Variants in SLC2A6 observed in about 807,000 individuals in gnomAD.
The protein encoded by SLC2A6 is solute carrier family 2 member 6.
SLC2A6 carries 39 observed loss-of-function variants against 47.8 expected under a neutral mutation model. The observed-to-expected ratio is 0.82, with a 90% CI of 0.63 to 1.07. The LOEUF is 1.07. SLC2A6 is among the 50% of genes least tolerant of loss of function. The pLI is 0.00. For missense variants in SLC2A6, 650 were observed against 707.6 expected (o/e 0.92, Z 0.92); for synonymous variants, 346 against 324.1 (o/e 1.07, Z -0.73).
chr9:133,474,343 C>T (rs1843861369), intron 6 of SLC2A6, among the ~76,000 whole-genome samples: 1 of 152,244 alleles, frequency 6.6e-6, no homozygotes, highest in Non-Finnish European at 1.5e-5. Flanking sequence ...ACTTGCTGAA[C>T]CGTGCTGTTA....
rs782146669 is a variant in SLC2A6 at position 133,478,991 on chromosome 9, C to A, written c.69G>T (p.Ser23=). The change falls in exon 1 of 10, where the codon TCG becomes TCT. Residue 23 remains serine (S), a synonymous_variant. Transcript: ENST00000371899. ...ACCCGACCCGCGCCCTGTCCCCTGG[C>A]GACGGGGGCGGCTTCTCGGGGAAGG... ...YDTFPEKPPP[S]PGDRARVGTL... 3.1e-6 allele frequency: 5 copies of A among 1,593,878 alleles called. No individual in the cohort carries two copies. Among genetic ancestry groups the A allele is most frequent in the East Asian group, 4.6e-5 (2 of 43,268 alleles).
rs936393681 is a variant in SLC2A6 at position 133,471,882 on chromosome 9, G to C, written c.*139C>G. 52 of 1,007,364 alleles carry C rather than the reference G, an allele frequency of 5.2e-5. No homozygotes were observed. Among genetic ancestry groups the C allele is most frequent in the Non-Finnish European group, 7.2e-5 (50 of 697,056 alleles). The allele number at this position is 1,007,364 out of a possible 1,614,324, so 62.4% of individuals were successfully genotyped here. A position where few individuals can be genotyped will look rare whatever the true frequency, so the allele number is the denominator to read the frequency against. On this transcript the variant is annotated 3_prime_UTR_variant, in exon 10 of 10. Coordinates refer to ENST00000371899, the MANE Select transcript of SLC2A6 (RefSeq NM_017585.4). ...CCGAGCCAGGGGCACCCGCTGCTGA[G>C]GCCCCATCACACTGCTCTTCCTGTG...
chr9:133,473,869 G>T, intron 7 of SLC2A6, 111 bp downstream of exon 7: 1 of 905,620 alleles, frequency 1.1e-6, no homozygotes, highest in Non-Finnish European at 1.6e-6. Flanking sequence ...GGAGGCAGGT[G>T]CTCTGCAGTT....
Position 133,472,419 on chromosome 9 carries a change from C to T in SLC2A6, c.1369-243G>A, listed in dbSNP as rs587642191. ...CTTCCTCAGGGGCTGGGCCCTCTGG[C>T]GTCAGCTCAGGTACCCCCTCCACAC... On this transcript the variant is annotated intron_variant, in intron 9 of 9. Transcript: ENST00000371899. 4.6e-5 allele frequency among the ~76,000 whole-genome samples: 7 copies of T among 152,222 alleles called. No homozygotes were observed. The East Asian group carries it at 7.7e-4, about 17-fold the overall frequency.
chr9:133,475,620 G>T lies in SLC2A6; in HGVS notation c.563-9C>A. The T allele has an allele frequency of 6.4e-7, 1 of 1,573,998 alleles. No homozygotes were observed. The highest frequency in any genetic ancestry group is 2.3e-5 in the East Asian group (1 of 43,532). On this transcript the variant is annotated splice_polypyrimidine_tract_variant and intron_variant, in intron 4 of 9. Coordinates refer to ENST00000371899, the MANE Select transcript of SLC2A6 (RefSeq NM_017585.4). ...CCACGGCAGCAGGAGGCCTGGGGGC[G>T]AGGGGTGGGTGAGGGGCCAGGTCCA...
In SLC2A6 at chr9:133,478,788, C is replaced by T. The variant is rs781878247; in HGVS notation, c.92+180G>A. The stretch of plus-strand genomic sequence containing the variant: ...GGCCCGGTACTCTCGTGGATCGTTC[C>T]TTCCCTTAGGGGGACCAGTTCCTTA... On this transcript the variant is annotated intron_variant, in intron 1 of 9. Transcript: ENST00000371899. The T allele has an allele frequency of 2.3e-4, 142 of 612,720 alleles. 1 individual carries two copies. Among genetic ancestry groups the T allele is most frequent in the Non-Finnish European group, 4.5e-5 (16 of 357,488 alleles). 38.0% of individuals were successfully genotyped at this position (612,720 alleles called of 1,614,324 possible).
At position 133,473,409 on chromosome 9, in the gene SLC2A6, A is replaced by C; in HGVS notation, c.1222+6T>G. On this transcript the variant is annotated splice_donor_region_variant and intron_variant, in intron 8 of 9. Transcript: ENST00000371899. ...GCCTGCCCCTCTGAGCCACCACCAC[A>C]CCTACCCATGATGAAGAGCATGGTG... 6.3e-7 allele frequency: 1 copy of C among 1,594,060 alleles called. No individual in the cohort carries two copies. Among genetic ancestry groups the C allele is most frequent in the Non-Finnish European group, 8.5e-7 (1 of 1,170,444 alleles).
rs955070561 is a variant in SLC2A6 at position 133,476,899 on chromosome 9, C to T, written c.462+136G>A. 102 of 967,928 alleles carry T rather than the reference C, an allele frequency of 1.1e-4. 1 individual carries two copies. Among genetic ancestry groups the T allele is most frequent in the Non-Finnish European group, 1.2e-4 (80 of 648,442 alleles). The allele number at this position is 967,928 out of a possible 1,614,324, so 60.0% of individuals were successfully genotyped here. A position where few individuals can be genotyped will look rare whatever the true frequency, so the allele number is the denominator to read the frequency against. ...CTGCCCTGCTGGGGGTGAGCTGAGG[C>T]GCCCTGGGCATCCGCAGGGAAGGCA... is the stretch of plus-strand genomic sequence containing the variant. On this transcript the variant is annotated intron_variant, in intron 3 of 9. Transcript: ENST00000371899.
Position 133,475,038 on chromosome 9 carries a change from G to A in SLC2A6, c.850C>T (p.Leu284Phe), listed in dbSNP as rs781927717. The A allele has an allele frequency of 3.6e-5, 58 of 1,599,760 alleles. No homozygotes were observed. The highest frequency in any genetic ancestry group is 4.6e-5 in the Non-Finnish European group (54 of 1,174,846). The stretch of plus-strand genomic sequence containing the variant: ...GTGATGCCCGTCAGCTGCTGCAGGA[G>A]GCGCATCAGCAAGGCCACGGTGATG... ...RPITVALLMR[L>F]LQQLTGITPI... The change falls in exon 6 of 10, where the codon CTC becomes TTC. Residue 284 changes from leucine (L) to phenylalanine (F), a missense_variant. Physicochemically the swap from Leu to Phe is conservative, Grantham distance 22. Transcript: ENST00000371899.
Position 133,471,620 on chromosome 9 carries a change from C to A in SLC2A6, c.*401G>T. The A allele has an allele frequency of 5.9e-6, 1 of 168,798 alleles. No homozygotes were observed. Among genetic ancestry groups the A allele is most frequent in the Non-Finnish European group, 1.3e-5 (1 of 78,462 alleles). 10.5% of individuals were successfully genotyped at this position (168,798 alleles called of 1,614,324 possible). ...CTTGCACAGCCAGATGCCACCAGAT[C>A]AGAGCGCGATGATATGACTACGTTA... is the stretch of plus-strand genomic sequence containing the variant. On this transcript the variant is annotated 3_prime_UTR_variant, in exon 10 of 10. Transcript: ENST00000371899.
At chr9:133,473,378 A>C in intron 8 of SLC2A6, 37 bp downstream of exon 8, 1 of 1,552,412 alleles carries the variant, frequency 6.4e-7, no homozygotes, top group Non-Finnish European at 8.7e-7. Context: ...CTTAACACCC[A>C]AGACAGCCTG....
chr9:133,473,850 C>G (rs112616563), intron 7 of SLC2A6, 130 bp downstream of exon 7: 7 of 835,672 alleles, frequency 8.4e-6, no homozygotes, highest in Non-Finnish European at 1.3e-5. Context: ...AGGGCCCTGC[C>G]GATGCTAGGG....
At chr9:133,473,870 C>T (rs1843832850) in intron 7 of SLC2A6, 110 bp downstream of exon 7, 3 of 916,424 alleles carry the variant, frequency 3.3e-6, no homozygotes, top group Non-Finnish European at 4.8e-6. Context: ...GAGGCAGGTG[C>T]TCTGCAGTTC....
In SLC2A6 at chr9:133,478,351, C is replaced by A; in HGVS notation, c.158G>T (p.Gly53Val). 2.5e-6 allele frequency: 4 copies of A among 1,614,102 alleles called. No individual in the cohort carries two copies. The highest frequency in any genetic ancestry group is 2.5e-6 in the Non-Finnish European group (3 of 1,180,008). ...FAAVLGNFSF[G>V]YALVYTSPVI... The stretch of plus-strand genomic sequence containing the variant: ...AGGGGATGTGTAGACCAGGGCATAC[C>A]CAAAGCTGAAATTGCCGAGCACTGC... The change falls in exon 2 of 10, where the codon GGG (glycine) becomes GTG (valine). Residue 53 changes from glycine to valine, a missense_variant. By Grantham distance (109) the Gly-to-Val change is moderately radical. Transcript: ENST00000371899.
chr9:133,476,240 G>C lies in SLC2A6; in HGVS notation c.559C>G (p.Leu187Val), dbSNP rs1336781326. The change falls in exon 4 of 10, where the codon CTT becomes GTT. Residue 187 changes from leucine to valine, a missense_variant. Transcript: ENST00000371899. ...AGGAGTGCGGGGCCATACTTGCCAA[G>C]GGCGTAGAGGGACAGGGATCCGAAC... Reference protein sequence around the residue: ...AVFGSLSLYALGLLLPWRWLA... With the variant: ...AVFGSLSLYAVGLLLPWRWLA... 1.2e-6 allele frequency: 2 copies of C among 1,611,374 alleles called. No homozygotes were observed. The highest frequency in any genetic ancestry group is 1.7e-6 in the Non-Finnish European group (2 of 1,178,728).
chr9:133,472,869 C>T (rs1843783435), intron 9 of SLC2A6, among the ~76,000 whole-genome samples: 1 of 152,214 alleles, frequency 6.6e-6, no homozygotes, highest in Admixed American at 6.5e-5. Context: ...AGGAGGTAAC[C>T]TGACTTCCCA....
chr9:133,472,146 A>G lies in SLC2A6; in HGVS notation c.1399T>C (p.Phe467Leu). The G allele has an allele frequency of 6.2e-7, 1 of 1,613,388 alleles. No homozygotes were observed. The highest frequency in any genetic ancestry group is 8.5e-7 in the Non-Finnish European group (1 of 1,179,922). Residue 467 changes from phenylalanine to leucine, a missense_variant, in exon 10 of 10, where the codon TTC becomes CTC. Coordinates refer to ENST00000371899, the MANE Select transcript of SLC2A6 (RefSeq NM_017585.4). ...CTCACCAAGCAGATGGCCGCGAAGA[A>G]GAAGAAAGGCACCTGGAGGCCGAAG... ...STFGLQVPFF[F>L]FAAICLVSLV...
At chr9:133,476,027 C>G (rs971446035) in intron 4 of SLC2A6, 2 of 536,152 alleles carry the variant, frequency 3.7e-6, no homozygotes, top group Non-Finnish European at 6.6e-6. Context: ...CTGGCTGCCC[C>G]AGCTAGAGAC....
intron 9 of SLC2A6, among the ~76,000 whole-genome samples, chr9:133,472,482 G>A (rs990465066): frequency 2.0e-5 from 3 of 151,506 alleles, no homozygotes; most frequent in African/African-American, 4.9e-5. Context: ...GTTCCATGCC[G>A]CGGCCTGCAG....
Sources: allele counts gnomAD v4.1 joint callset (sites outside exome capture counted in the v4.1 genomes callset), GRCh38; gene constraint gnomAD v4.1.1; transcripts MANE v1.5; gene names NCBI Gene and HGNC (gene_info 2026-07-23, HGNC 2026-07-21).